The following TOR1AIP2 variants were observed in gnomAD, a reference collection of about 807,000 sequenced individuals.
TOR1AIP2 encodes the protein torsin-1A-interacting protein 2.
Under a neutral mutation model 32.6 loss-of-function variants are expected in TOR1AIP2, and 20 were observed. The observed-to-expected ratio is 0.61, with a 90% CI of 0.43 to 0.89. The LOEUF (loss-of-function observed/expected upper bound fraction) is 0.89, where lower values mean the gene tolerates loss of function less well. Ranked by LOEUF, TOR1AIP2 falls within the 40% of genes least tolerant of loss-of-function variation. The pLI is 0.00. For synonymous variants in TOR1AIP2, 214 were observed against 210.8 expected (o/e 1.02, Z -0.13); for missense variants, 456 against 553.8 (o/e 0.82, Z 1.77).
intron 5 of TOR1AIP2, among the ~76,000 whole-genome samples, chr1:179,848,903 G>A (rs1696015016): frequency 6.6e-6 from 1 of 152,188 alleles, no homozygotes; most frequent in Non-Finnish European, 1.5e-5. Context: ...GGCCGAGGCG[G>A]GCGGATCACA....
rs1695830009 is a variant in TOR1AIP2 at position 179,844,557 on chromosome 1, T to G, written c.*1514A>C. 1 of 150,396 alleles carries G rather than the reference T, an allele frequency of 6.6e-6. No homozygotes were observed. Among genetic ancestry groups the G allele is most frequent in the African/African-American group, 2.5e-5 (1 of 40,206 alleles). The allele number at this position is 150,396 out of a possible 1,614,324, so 9.3% of individuals were successfully genotyped here. A position where few individuals can be genotyped will look rare whatever the true frequency, so the allele number is the denominator to read the frequency against. On this transcript the variant is annotated 3_prime_UTR_variant, in exon 7 of 7. Transcript: ENST00000609928. ...GAGATCATTTTACTAGAGTTCTGCT[T>G]TCAGAGCTCAAATGCTAATCAACTC...
chr1:179,863,616 C>T (rs1696642387), intron 3 of TOR1AIP2: 1 of 979,858 alleles, frequency 1.0e-6, no homozygotes. Flanking sequence ...ATGGCTTGAG[C>T]CTAGGAGTTG....
chr1:179,864,322 G>C, intron 3 of TOR1AIP2: 1 of 987,168 alleles, frequency 1.0e-6, no homozygotes, highest in Non-Finnish European at 1.2e-6. Flanking sequence ...TAAGAGGTGA[G>C]TTTACAACAG....
intron 4 of TOR1AIP2, 132 bp from the exon 5 acceptor site, chr1:179,851,495 T>A (rs1696115733): frequency 1.5e-6 from 1 of 661,572 alleles, no homozygotes; most frequent in Non-Finnish European, 2.3e-6. Flanking sequence ...AAACATTATT[T>A]CTCTTGGCTC....
rs961589534 is a variant in TOR1AIP2 at position 179,846,388 on chromosome 1, G to A, written c.1096C>T (p.His366Tyr). 5 of 1,614,174 alleles carry A rather than the reference G, an allele frequency of 3.1e-6. No homozygotes were observed. The Admixed American group carries it at 5.0e-5, about 16-fold the overall frequency. The stretch of plus-strand genomic sequence containing the variant: ...GAGCCGGCAGGGAAGGATTCGAAGT[G>A]GTGTACCACAGCAGCCTTCTGGCCA... ...ENGQKAAVVHHFESFPAGSTL... is the reference protein window; with the variant it reads ...ENGQKAAVVHYFESFPAGSTL... Residue 366 changes from histidine (H) to tyrosine (Y), a missense_variant, in exon 7 of 7, where the codon CAC (histidine) becomes TAC (tyrosine). Transcript: ENST00000609928.
intron 2 of TOR1AIP2, among the ~76,000 whole-genome samples, chr1:179,873,247 G>A (rs888045557): frequency 5.9e-5 from 9 of 152,054 alleles, no homozygotes; most frequent in Admixed American, 1.3e-4. Context: ...GGCTGGTCTC[G>A]AACTCCTGGG....
Position 179,864,253 on chromosome 1 carries a change from T to G in TOR1AIP2, c.-147+1183A>C, listed in dbSNP as rs915037348. 20 of 985,362 alleles carry G rather than the reference T, an allele frequency of 2.0e-5. No homozygotes were observed. In the African/African-American group the frequency reaches 3.1e-4, roughly 15 times the overall value. 61.0% of individuals were successfully genotyped at this position (985,362 alleles called of 1,614,324 possible). ...GGCCAATGATGAATAAATGGCTATA[T>G]AAGAGCAAATTTTATCTATCTATCT... On this transcript the variant is annotated intron_variant, in intron 3 of 6. Coordinates refer to ENST00000609928, the MANE Select transcript of TOR1AIP2 (RefSeq NM_001199260.2).
chr1:179,852,542 C>A (rs1342456754), intron 4 of TOR1AIP2, 90 bp downstream of exon 4: 1 of 1,377,732 alleles, frequency 7.3e-7, no homozygotes, highest in East Asian at 2.3e-5. Context: ...TACTTCAAAA[C>A]CTCAGATTTT....
At position 179,849,127 on chromosome 1, in the gene TOR1AIP2, C is replaced by T. The variant is rs180893190; in HGVS notation, c.554-1491G>A. ...GTCCGGCCTGGGCAAAAGAGTGAGA[C>T]TCCATCTCAAAAAAACAAAAAAAAA... On this transcript the variant is annotated intron_variant, in intron 5 of 6. Coordinates refer to ENST00000609928, the MANE Select transcript of TOR1AIP2 (RefSeq NM_001199260.2). Among the ~76,000 whole-genome samples, 798 of 151,954 alleles carry T rather than the reference C, an allele frequency of 5.3e-3. 8 individuals carry two copies. The highest frequency in any genetic ancestry group is 0.02 in the South Asian group (98 of 4,818).
chr1:179,876,900 T>C (rs948302390), intron 2 of TOR1AIP2, among the ~76,000 whole-genome samples: 3 of 151,884 alleles, frequency 2.0e-5, no homozygotes, highest in Non-Finnish European at 2.9e-5. Context: ...AGGTATTAAA[T>C]ACAATTGGGA....
At chr1:179,850,308 G>C (rs1696065833) in intron 5 of TOR1AIP2, among the ~76,000 whole-genome samples, 1 of 152,136 alleles carries the variant, frequency 6.6e-6, no homozygotes, top group Non-Finnish European at 1.5e-5. Flanking sequence ...GGGAAGACAT[G>C]CTTGTTCCTC....
At chr1:179,876,346 C>A (rs1177767633) in intron 2 of TOR1AIP2, among the ~76,000 whole-genome samples, 1 of 152,100 alleles carries the variant, frequency 6.6e-6, no homozygotes. Context: ...ATTATTGAAG[C>A]TCTCAAGCTA....
At chr1:179,863,878 T>A in intron 3 of TOR1AIP2, 1 of 985,406 alleles carries the variant, frequency 1.0e-6, no homozygotes. Context: ...TCTGGGTCCA[T>A]GATTTTCATG....
chr1:179,846,842 G>A lies in TOR1AIP2; in HGVS notation c.656-14C>T. On this transcript the variant is annotated splice_polypyrimidine_tract_variant and intron_variant, in intron 6 of 6. Transcript: ENST00000609928. ...GAATCACAGGGCCTGTCAAAAGAATGAAAAAGGAATAGAAAATTACAGAGA... is the reference window on the plus strand; with the variant it reads ...GAATCACAGGGCCTGTCAAAAGAATAAAAAAGGAATAGAAAATTACAGAGA... The A allele has an allele frequency of 6.4e-7, 1 of 1,564,884 alleles. No individual in the cohort carries two copies. Among genetic ancestry groups the A allele is most frequent in the South Asian group, 1.2e-5 (1 of 84,566 alleles).
At chr1:179,864,149 T>C in intron 3 of TOR1AIP2, 1 of 985,442 alleles carries the variant, frequency 1.0e-6, no homozygotes, top group Non-Finnish European at 1.2e-6. Flanking sequence ...TATATAGGTG[T>C]TTCCTAATAG....
chr1:179,855,713 C>T (rs778990497), intron 3 of TOR1AIP2, among the ~76,000 whole-genome samples: 23 of 152,186 alleles, frequency 1.5e-4, no homozygotes, highest in South Asian at 6.2e-4. Context: ...CTCATTAATA[C>T]GCCCCAAAAT....
chr1:179,846,217 AGAGT>A lies in TOR1AIP2; in HGVS notation c.1263_1266del (p.Leu421PhefsTer22). 1 of 1,614,208 alleles carries A rather than the reference AGAGT, an allele frequency of 6.2e-7. No homozygotes were observed. Among genetic ancestry groups the A allele is most frequent in the Non-Finnish European group, 8.5e-7 (1 of 1,180,042 alleles). ...GTGTCAGAGTTGGTAAACTTGGCCCAGAGTAAGTCTCTCACTTTTTCTTCCGTTT... is the reference window on the plus strand; with the variant it reads ...GTGTCAGAGTTGGTAAACTTGGCCCAAAGTCTCTCACTTTTTCTTCCGTTT... On this transcript the variant is annotated frameshift_variant, in exon 7 of 7. Transcript: ENST00000609928. LOFTEE classifies it high-confidence loss of function.
At chr1:179,861,641 CT>C (rs1314200376) in intron 3 of TOR1AIP2, 1 of 985,198 alleles carries the variant, frequency 1.0e-6, no homozygotes, top group African/African-American at 1.7e-5. Flanking sequence ...GAGTTATGAC[CT>C]AAATTATTAA....
At chr1:179,868,016 A>C (rs928138152) in intron 2 of TOR1AIP2, 12 of 152,276 alleles carry the variant, frequency 7.9e-5, no homozygotes, top group African/African-American at 2.9e-4. Context: ...AGGAGTGAAG[A>C]GAGGGGCCTG....
Sources: allele counts gnomAD v4.1 joint callset (sites outside exome capture counted in the v4.1 genomes callset), GRCh38; gene constraint gnomAD v4.1.1; transcripts MANE v1.5; gene names NCBI Gene and HGNC (gene_info 2026-07-23, HGNC 2026-07-21).